Variants in EXT2 observed in about 807,000 individuals in gnomAD.
The protein encoded by EXT2 is exostosin glycosyltransferase 2.
EXT2 carries 53 observed loss-of-function variants against 81.6 expected under a neutral mutation model. That is an observed-to-expected ratio of 0.65 (90% confidence interval 0.52 to 0.82). The LOEUF (loss-of-function observed/expected upper bound fraction) is 0.82. EXT2 is among the 40% of genes least tolerant of loss of function. The pLI, the probability that EXT2 is intolerant of heterozygous loss-of-function variation, is 0.00. For missense variants in EXT2, 774 were observed against 910.2 expected, an observed-to-expected ratio of 0.85 and a Z score of 1.93; for synonymous variants, 320 against 340.0, an observed-to-expected ratio of 0.94 and a Z score of 0.65.
Position 44,176,272 on chromosome 11 carries a change from AG to A in EXT2, c.1305+4533del, listed in dbSNP as rs372814523. 1.8e-4 allele frequency among the ~76,000 whole-genome samples: 27 copies of A among 152,304 alleles called. No individual in the cohort carries two copies. In the East Asian group the frequency reaches 3.1e-3, roughly 17 times the overall value. Reference sequence around the variant, plus strand: ...TCTAAGAGATGTTTAATAAGAATAAAGGGTTGGAATTTAGTTCTTTTTTATA... The same window carrying A: ...TCTAAGAGATGTTTAATAAGAATAAAGGTTGGAATTTAGTTCTTTTTTATA... On this transcript the variant is annotated intron_variant, in intron 8 of 13. Coordinates refer to ENST00000533608, the MANE Select transcript of EXT2 (RefSeq NM_207122.2).
intron 8 of EXT2, among the ~76,000 whole-genome samples, chr11:44,194,240 C>T (rs558748873): frequency 6.6e-6 from 1 of 152,224 alleles, no homozygotes; most frequent in South Asian, 2.1e-4. Flanking sequence ...GGTGTATTTA[C>T]CTTTTTAAAT....
intron 1 of EXT2, among the ~76,000 whole-genome samples, chr11:44,101,169 T>TA (rs1218759545): frequency 6.6e-6 from 1 of 152,164 alleles, no homozygotes; most frequent in Non-Finnish European, 1.5e-5. Context: ...TGGTGGACTA[T>TA]AAAGCTGGAG....
chr11:44,149,279 T>A (rs1333317715), intron 7 of EXT2, among the ~76,000 whole-genome samples: 1 of 152,174 alleles, frequency 6.6e-6, no homozygotes, highest in Non-Finnish European at 1.5e-5. Context: ...GGAAGATTGC[T>A]TGAACCTGGG....
chr11:44,163,126 T>G (rs1025683273), intron 7 of EXT2, among the ~76,000 whole-genome samples: 1 of 152,196 alleles, frequency 6.6e-6, no homozygotes, highest in Non-Finnish European at 1.5e-5. Flanking sequence ...AACATGGGCA[T>G]AGTAAATGTC....
At chr11:44,141,278 A>G (rs1954641892) in intron 7 of EXT2, among the ~76,000 whole-genome samples, 1 of 152,244 alleles carries the variant, frequency 6.6e-6, no homozygotes, top group African/African-American at 2.4e-5. Context: ...TGAAAGGAAG[A>G]AAATTTTATG....
intron 8 of EXT2, among the ~76,000 whole-genome samples, chr11:44,176,002 T>A (rs1181458097): frequency 6.6e-6 from 1 of 152,218 alleles, no homozygotes; most frequent in East Asian, 1.9e-4. Flanking sequence ...AACTCAGGTC[T>A]TCTACGTGCA....
chr11:44,154,997 T>C (rs1338896789), intron 7 of EXT2, among the ~76,000 whole-genome samples: 1 of 152,196 alleles, frequency 6.6e-6, no homozygotes, highest in Non-Finnish European at 1.5e-5. Flanking sequence ...CCTTATATAT[T>C]CTGGTTATTA....
chr11:44,130,001 G>T, intron 6 of EXT2, 44 bp from the exon 7 acceptor site: 2 of 1,455,296 alleles, frequency 1.4e-6, no homozygotes, highest in Non-Finnish European at 1.9e-6. Flanking sequence ...AATGCTTTCT[G>T]TGAAGGGCTG....
At chr11:44,107,495 A>C (rs1329835746) in intron 1 of EXT2, among the ~76,000 whole-genome samples, 188 bp from the exon 2 acceptor site, 1 of 152,012 alleles carries the variant, frequency 6.6e-6, no homozygotes, top group Non-Finnish European at 1.5e-5. Context: ...AAGTGGGAGG[A>C]TTGCTTGAGC....
chr11:44,150,557 A>G (rs1396056125), intron 7 of EXT2, among the ~76,000 whole-genome samples: 2 of 152,328 alleles, frequency 1.3e-5, no homozygotes, highest in East Asian at 3.9e-4. Context: ...GATACACTAG[A>G]TCTTGCACTG....
intron 3 of EXT2, 86 bp downstream of exon 3, chr11:44,109,369 C>A: frequency 2.6e-6 from 3 of 1,149,630 alleles, no homozygotes; most frequent in Non-Finnish European, 3.9e-6. Flanking sequence ...CTACCACATA[C>A]TTTGTAATCA....
At chr11:44,219,489 G>A (rs1012880237) in intron 10 of EXT2, among the ~76,000 whole-genome samples, 1 of 152,138 alleles carries the variant, frequency 6.6e-6, no homozygotes, top group East Asian at 1.9e-4. Flanking sequence ...GTGAGACCCT[G>A]TCTCAAAAAA....
intron 8 of EXT2, among the ~76,000 whole-genome samples, chr11:44,195,292 A>G (rs1291747525): frequency 6.6e-6 from 1 of 151,928 alleles, no homozygotes; most frequent in Non-Finnish European, 1.5e-5. Flanking sequence ...AAATTAGCCC[A>G]GTGTGGTGGT....
rs1009715668 is a variant in EXT2, at chr11:44,194,945, G to A, written c.1306-2884G>A. ...GGGGATTAATTATGACTTAAATATAGGGCTACTTTCTGACTTCAGTTTCCA... is the reference window on the plus strand; with the variant it reads ...GGGGATTAATTATGACTTAAATATAAGGCTACTTTCTGACTTCAGTTTCCA... On this transcript the variant is annotated intron_variant, in intron 8 of 13. Transcript: ENST00000533608. Among the ~76,000 whole-genome samples, 7 of 152,030 alleles carry A rather than the reference G, an allele frequency of 4.6e-5. No homozygotes were observed. The South Asian group carries it at 1.0e-3, about 23-fold the overall frequency.
intron 5 of EXT2, among the ~76,000 whole-genome samples, chr11:44,126,037 G>GT (rs2135018442): frequency 6.6e-6 from 1 of 151,958 alleles, no homozygotes; most frequent in South Asian, 2.1e-4. Context: ...TTAGTTTTTG[G>GT]TTTTTTTAAA....
At chr11:44,102,460 C>G (rs559432077) in intron 1 of EXT2, among the ~76,000 whole-genome samples, 7 of 152,044 alleles carry the variant, frequency 4.6e-5, no homozygotes, top group African/African-American at 1.7e-4. Context: ...TCCTTGCTCC[C>G]TCACTGTGGC....
At chr11:44,228,441 C>T (rs1247725514) in intron 10 of EXT2, among the ~76,000 whole-genome samples, 1 of 152,180 alleles carries the variant, frequency 6.6e-6, no homozygotes, top group Non-Finnish European at 1.5e-5. Context: ...AGTTTGAGCT[C>T]TTGCTCGTCT....
rs1954097978 is a variant in EXT2 at position 44,108,709 on chromosome 11, A to T, written c.536+461A>T. 1.3e-5 allele frequency among the ~76,000 whole-genome samples: 2 copies of T among 152,200 alleles called. 1 individual carries two copies. Among genetic ancestry groups the T allele is most frequent in the African/African-American group, 4.8e-5 (2 of 41,442 alleles). The stretch of plus-strand genomic sequence containing the variant: ...TTGATGTTACTAAAAATACACATAC[A>T]CATCTGTATATAAATGTTTTGTTCC... On this transcript the variant is annotated intron_variant, in intron 2 of 13. Coordinates refer to ENST00000533608, the MANE Select transcript of EXT2 (RefSeq NM_207122.2).
At chr11:44,194,218 T>A (rs1237032375) in intron 8 of EXT2, among the ~76,000 whole-genome samples, 1 of 152,220 alleles carries the variant, frequency 6.6e-6, no homozygotes, top group African/African-American at 2.4e-5. Context: ...TAGTTTTTCC[T>A]TCTGTTTTAG....
Sources: gnomAD v4.1 joint callset for allele counts (sites outside exome capture counted in the v4.1 genomes callset) on GRCh38, gnomAD v4.1.1 for gene constraint, MANE v1.5 for transcripts, NCBI Gene and HGNC (gene_info 2026-07-23, HGNC 2026-07-21) for gene names.